JAZF1: variants seen among roughly 807,000 people sequenced by gnomAD.
JAZF1 encodes the protein JAZF zinc finger 1, also known as juxtaposed with another zinc finger protein 1.
JAZF1 carries 8 observed loss-of-function variants against 26.4 expected under a neutral mutation model. That is an observed-to-expected ratio of 0.30 (90% CI 0.18 to 0.55). The LOEUF (loss-of-function observed/expected upper bound fraction) is 0.55, where lower values mean the gene tolerates loss of function less well. Ranked by LOEUF, JAZF1 falls within the 20% of genes least tolerant of loss-of-function variation. The probability of loss-of-function intolerance (pLI) is 0.94; values close to 1 mark genes in which losing one functional copy is unlikely to be tolerated. For synonymous variants in JAZF1, 126 were observed against 122.3 expected, an observed-to-expected ratio of 1.03 and a Z score of -0.20; for missense variants, 199 against 322.0, an observed-to-expected ratio of 0.62 and a Z score of 2.92.
chr7:28,129,676 T>C (rs2127941278), intron 1 of JAZF1, among the ~76,000 whole-genome samples: 1 of 152,296 alleles, frequency 6.6e-6, no homozygotes, highest in South Asian at 2.1e-4. Flanking sequence ...TTAAAGTAAG[T>C]TTTTAATAAG....
chr7:27,880,985 AT>A (rs1275897918), intron 3 of JAZF1, among the ~76,000 whole-genome samples: 2 of 152,172 alleles, frequency 1.3e-5, no homozygotes, highest in Non-Finnish European at 2.9e-5. Flanking sequence ...TGAACTTTTA[AT>A]TTACTATTTA....
chr7:27,986,191 C>A (rs1291044267), intron 2 of JAZF1, among the ~76,000 whole-genome samples: 5 of 152,198 alleles, frequency 3.3e-5, no homozygotes, highest in Admixed American at 6.5e-5. Context: ...TTGCAGATGA[C>A]ATGATTGTAT....
At chr7:28,090,438 AT>A (rs1784275723) in intron 1 of JAZF1, among the ~76,000 whole-genome samples, 1 of 152,252 alleles carries the variant, frequency 6.6e-6, no homozygotes, top group South Asian at 2.1e-4. Context: ...AACTTTAAAC[AT>A]TATTAAATCA....
At chr7:27,951,740 C>CA (rs1171766717) in intron 2 of JAZF1, among the ~76,000 whole-genome samples, 1 of 152,200 alleles carries the variant, frequency 6.6e-6, no homozygotes, top group Non-Finnish European at 1.5e-5. Context: ...TGGAACAAGA[C>CA]AAAAACACTG....
At chr7:27,923,593 A>G (rs1171171688) in intron 2 of JAZF1, among the ~76,000 whole-genome samples, 1 of 152,206 alleles carries the variant, frequency 6.6e-6, no homozygotes, top group Non-Finnish European at 1.5e-5. Flanking sequence ...AACGGATGGG[A>G]GCATGGCTGG....
intron 2 of JAZF1, chr7:27,913,409 C>G: frequency 2.2e-6 from 1 of 459,470 alleles, no homozygotes; most frequent in South Asian, 1.6e-5. Context: ...ACAAGTAGGA[C>G]AGCGAGAAGG....
chr7:27,934,888 AATG>A (rs1466630539), intron 2 of JAZF1, among the ~76,000 whole-genome samples: 2 of 152,216 alleles, frequency 1.3e-5, no homozygotes, highest in East Asian at 3.8e-4. Context: ...TAGTGTTGCA[AATG>A]ATATCGTCAA....
chr7:28,109,085 G>A (rs558965572), intron 1 of JAZF1, among the ~76,000 whole-genome samples: 1 of 152,206 alleles, frequency 6.6e-6, no homozygotes, highest in South Asian at 2.1e-4. Flanking sequence ...GAAGCCATTA[G>A]CTAAAGGATA....
intron 1 of JAZF1, among the ~76,000 whole-genome samples, chr7:28,178,749 AC>A (rs1349974824): frequency 6.6e-6 from 1 of 152,204 alleles, no homozygotes. Context: ...GCTCCATTAA[AC>A]TGCTTTTAAG....
chr7:27,940,086 C>T (rs1224051461), intron 2 of JAZF1, among the ~76,000 whole-genome samples: 1 of 152,156 alleles, frequency 6.6e-6, no homozygotes, highest in African/African-American at 2.4e-5. Flanking sequence ...AAGAAGAAAC[C>T]CGGCTCCTGC....
chr7:27,849,774 C>CACACACACACACACACACACA, intron 3 of JAZF1, among the ~76,000 whole-genome samples: 1 of 150,066 alleles, frequency 6.7e-6, no homozygotes, highest in Non-Finnish European at 1.5e-5. Flanking sequence ...CACACACACA[C>CACACACACACACACACACACA]CCCTACACCT....
At chr7:27,919,197 AT>A (rs1784490130) in intron 2 of JAZF1, among the ~76,000 whole-genome samples, 1 of 152,214 alleles carries the variant, frequency 6.6e-6, no homozygotes, top group Non-Finnish European at 1.5e-5. Flanking sequence ...AAGAATTACA[AT>A]TTTTGAGCTC....
At chr7:27,901,963 G>A (rs1055339374) in intron 2 of JAZF1, among the ~76,000 whole-genome samples, 1 of 152,074 alleles carries the variant, frequency 6.6e-6, no homozygotes, top group Non-Finnish European at 1.5e-5. Context: ...GACCTGGTGC[G>A]CTCACATGTA....
chr7:28,043,844 C>A (rs1289483725), intron 1 of JAZF1, among the ~76,000 whole-genome samples: 1 of 151,816 alleles, frequency 6.6e-6, no homozygotes, highest in Non-Finnish European at 1.5e-5. Context: ...TATGGATGAA[C>A]CTTGAAAACA....
intron 1 of JAZF1, among the ~76,000 whole-genome samples, chr7:28,093,574 A>T (rs76512479): frequency 6.6e-6 from 1 of 152,246 alleles, no homozygotes; most frequent in Non-Finnish European, 1.5e-5. Flanking sequence ...TTCTTCATCA[A>T]TTACCACTTA....
intron 1 of JAZF1, among the ~76,000 whole-genome samples, chr7:28,004,770 G>C (rs1449754869): frequency 6.6e-6 from 1 of 151,838 alleles, no homozygotes; most frequent in African/African-American, 2.4e-5. Context: ...CTCGTGCCTT[G>C]GTCTCCCAAG....
intron 1 of JAZF1, among the ~76,000 whole-genome samples, chr7:27,994,190 T>C (rs1382536212): frequency 6.6e-6 from 1 of 152,206 alleles, no homozygotes; most frequent in East Asian, 1.9e-4. Context: ...CTTATACAAA[T>C]GTCTACAATT....
At chr7:28,090,142 CCA>C (rs1235857223) in intron 1 of JAZF1, among the ~76,000 whole-genome samples, 1 of 152,212 alleles carries the variant, frequency 6.6e-6, no homozygotes, top group East Asian at 1.9e-4. Flanking sequence ...CCTCTTTAAA[CCA>C]CACTTTCCTC....
At chr7:28,144,747 T>C (rs1246543180) in intron 1 of JAZF1, among the ~76,000 whole-genome samples, 3 of 152,226 alleles carry the variant, frequency 2.0e-5, no homozygotes, top group African/African-American at 7.2e-5. Flanking sequence ...ATATTATACA[T>C]GAGACTCCAA....
Sources: allele counts gnomAD v4.1 joint callset (sites outside exome capture counted in the v4.1 genomes callset), GRCh38; gene constraint gnomAD v4.1.1; transcripts MANE v1.5; gene names NCBI Gene and HGNC (gene_info 2026-07-23, HGNC 2026-07-21).